The following TBL3 variants were observed in gnomAD, a reference collection of about 807,000 sequenced individuals.
The protein encoded by TBL3 is transducin beta-like protein 3.
TBL3 carries 71 observed loss-of-function variants against 102.7 expected under a neutral mutation model. The observed-to-expected ratio is 0.69, with a 90% CI of 0.57 to 0.84. The LOEUF (loss-of-function observed/expected upper bound fraction) is 0.84, where lower values mean the gene tolerates loss of function less well. TBL3 is among the 40% of genes least tolerant of loss of function. The pLI is 0.00. For missense variants in TBL3, 1,188 were observed against 1,098.5 expected (o/e 1.08, Z -1.15); for synonymous variants, 578 against 477.7 (o/e 1.21, Z -2.74).
rs140740507 is a variant in TBL3 at position 1,977,804 on chromosome 16, A to C, written c.1958+4A>C. On this transcript the variant is annotated splice_donor_region_variant and intron_variant, in intron 18 of 21. Coordinates refer to ENST00000568546, the MANE Select transcript of TBL3 (RefSeq NM_006453.3). ...GGCAAGAGGAGCAGGTGGTCAGGTA[A>C]GGCCAGGGCAGTGGCGCCCCTCCCC... The C allele has an allele frequency of 4.5e-4, 707 of 1,556,448 alleles. 5 individuals carry two copies. The African/African-American group carries it at 8.2e-3, about 18-fold the overall frequency.
rs996102638 is a variant in TBL3 at position 1,979,524 on chromosome 16, G to A, written c.*839G>A. On this transcript the variant is annotated 3_prime_UTR_variant, in exon 22 of 22. Transcript: ENST00000568546. ...TGCGCGGCTGCTCTCGTAGGCGCGG[G>A]AAGCACAGAACTGGGGACCTGGTGG... 6 of 1,611,036 alleles carry A rather than the reference G, an allele frequency of 3.7e-6. 1 individual carries two copies. Among genetic ancestry groups the A allele is most frequent in the African/African-American group, 2.7e-5 (2 of 74,874 alleles).
In TBL3 at chr16:1,972,107, C is replaced by A. The variant is rs553655015; in HGVS notation, c.-58C>A. 66 of 1,463,316 alleles carry A rather than the reference C, an allele frequency of 4.5e-5. No homozygotes were observed. The South Asian group carries it at 6.0e-4, about 13-fold the overall frequency. 90.6% of individuals were successfully genotyped at this position (1,463,316 alleles called of 1,614,324 possible). ...AAGAGTTCGGTGCTAACCTCCCTCA[C>A]GCGGCGGTGGCTGCCGGGACCCTAG... On this transcript the variant is annotated 5_prime_UTR_variant, in exon 1 of 22. Transcript: ENST00000568546.
rs1212876186 is a variant in TBL3 at position 1,974,043 on chromosome 16, G to T, written c.42-13G>T. On this transcript the variant is annotated splice_polypyrimidine_tract_variant and intron_variant, in intron 1 of 21. Coordinates refer to ENST00000568546, the MANE Select transcript of TBL3 (RefSeq NM_006453.3). ...GGTGGGTGGTGCTCATTCGCCTCCC[G>T]CTCTCCTTCCAGCTATGCTGTGGAG... is the stretch of plus-strand genomic sequence containing the variant. 1 of 1,543,104 alleles carries T rather than the reference G, an allele frequency of 6.5e-7. No individual in the cohort carries two copies.
chr16:1,974,812 G>GC lies in TBL3; in HGVS notation c.429_430insC (p.Thr144HisfsTer73). On this transcript the variant is annotated frameshift_variant, in exon 6 of 22. Coordinates refer to ENST00000568546, the MANE Select transcript of TBL3 (RefSeq NM_006453.3). LOFTEE classifies it high-confidence loss of function. The stretch of plus-strand genomic sequence containing the variant: ...TCTGGGACATCGTGCGGCACTACGG[G>GC]ACACACCACTTCCGAGGCTCGCCCG... 1.9e-6 allele frequency: 3 copies of GC among 1,613,362 alleles called. No individual in the cohort carries two copies.
chr16:1,976,554 T>C (rs1302105133), intron 13 of TBL3, among the ~76,000 whole-genome samples: 1 of 152,178 alleles, frequency 6.6e-6, no homozygotes, highest in Non-Finnish European at 1.5e-5. Context: ...AGAATGACCC[T>C]GCACGAGGCC....
Position 1,974,836 on chromosome 16 carries a change from C to G in TBL3, c.453C>G (p.Pro151=), listed in dbSNP as rs774748981. 10 of 1,613,202 alleles carry G rather than the reference C, an allele frequency of 6.2e-6. No homozygotes were observed. Among genetic ancestry groups the G allele is most frequent in the Non-Finnish European group, 8.5e-6 (10 of 1,179,968 alleles). ...HYGTHHFRGS[P]GVVHLVAFHP... The stretch of plus-strand genomic sequence containing the variant: ...GGACACACCACTTCCGAGGCTCGCC[C>G]GGTGTCGTGCAGTGAGTTGGAAGGT... The change falls in exon 6 of 22, where the codon CCC becomes CCG. Residue 151 remains proline (P), a synonymous_variant. Transcript: ENST00000568546.
At chr16:1,973,953 C>T in intron 1 of TBL3, 103 bp from the exon 2 acceptor site, 2 of 1,273,882 alleles carry the variant, frequency 1.6e-6, no homozygotes, top group Non-Finnish European at 2.1e-6. Flanking sequence ...AACTCAAGGG[C>T]AGGGGCCATT....
chr16:1,974,774 G>A lies in TBL3; in HGVS notation c.391G>A (p.Gly131Arg), dbSNP rs779696778. 11 of 1,612,798 alleles carry A rather than the reference G, an allele frequency of 6.8e-6. No individual in the cohort carries two copies. Among genetic ancestry groups the A allele is most frequent in the African/African-American group, 1.3e-5 (1 of 74,936 alleles). ...TTGCTTCCCCGCAGGTGGCTGTGAT[G>A]GGGCCGTGCGCGTCTGGGACATCGT... is the stretch of plus-strand genomic sequence containing the variant. ...STLLATGGCD[G>R]AVRVWDIVRH... The change falls in exon 6 of 22, where the codon GGG becomes AGG. Residue 131 changes from glycine to arginine, a missense_variant. By Grantham distance (125) the Gly-to-Arg change is moderately radical (BLOSUM62 -2). Coordinates refer to ENST00000568546, the MANE Select transcript of TBL3 (RefSeq NM_006453.3).
intron 18 of TBL3, 52 bp downstream of exon 18, chr16:1,977,852 T>G: frequency 6.3e-7 from 1 of 1,578,400 alleles, no homozygotes; most frequent in Non-Finnish European, 8.6e-7. Context: ...CTCTGTGCTG[T>G]AGGGAAAACG....
rs995428337 is a variant in TBL3 at position 1,977,784 on chromosome 16, G to A, written c.1942G>A (p.Glu648Lys). ...GCAGGCAGAGGAGCAGGCCAGGCAA[G>A]AGGAGCAGGTGGTCAGGTAAGGCCA... Reference protein sequence around the residue: ...AEQAEEQARQEEQVVRQQELD... With the variant: ...AEQAEEQARQKEQVVRQQELD... Residue 648 changes from glutamate (E) to lysine (K), a missense_variant, in exon 18 of 22, where the codon GAG becomes AAG. Glu to Lys is a moderately conservative substitution (Grantham distance 56). Transcript: ENST00000568546. The A allele has an allele frequency of 6.4e-7, 1 of 1,556,292 alleles. No individual in the cohort carries two copies. Among genetic ancestry groups the A allele is most frequent in the Admixed American group, 1.9e-5 (1 of 51,382 alleles).
In TBL3 at chr16:1,979,477, C is replaced by T. The variant is rs750150664; in HGVS notation, c.*792C>T. ...GTTTCCAACACGCGCACGCGCGCCC[C>T]CGCGGGCACGGACAGCTCATCTGCG... On this transcript the variant is annotated 3_prime_UTR_variant, in exon 22 of 22. Coordinates refer to ENST00000568546, the MANE Select transcript of TBL3 (RefSeq NM_006453.3). The T allele has an allele frequency of 1.2e-6, 2 of 1,611,962 alleles. No homozygotes were observed. Among genetic ancestry groups the T allele is most frequent in the South Asian group, 2.2e-5 (2 of 90,978 alleles).
In TBL3 at chr16:1,975,537, C is replaced by T. The variant is rs540101902; in HGVS notation, c.814C>T (p.Arg272Cys). 21 of 1,597,540 alleles carry T rather than the reference C, an allele frequency of 1.3e-5. No homozygotes were observed. Among genetic ancestry groups the T allele is most frequent in the South Asian group, 4.4e-5 (4 of 90,750 alleles). Residue 272 changes from arginine to cysteine, a missense_variant, in exon 10 of 22, where the codon CGC (arginine) becomes TGC (cysteine). Coordinates refer to ENST00000568546, the MANE Select transcript of TBL3 (RefSeq NM_006453.3). The stretch of plus-strand genomic sequence containing the variant: ...TGTCCCCACCCACACAGGCACTCTG[C>T]GCGTGTGGGAGGCAGCTTCTGGGCA... ...FLTAGDQGTL[R>C]VWEAASGQCV...
Position 1,977,532 on chromosome 16 carries a change from G to T in TBL3, c.1761G>T (p.Val587=). The change falls in exon 17 of 22, where the codon GTG becomes GTT. Residue 587 remains valine, a synonymous_variant. Coordinates refer to ENST00000568546, the MANE Select transcript of TBL3 (RefSeq NM_006453.3). ...AACCCAGCGGTTCGGATGGCCTCGT[G>T]AAGCTCTGGACCATCAAGAACAACG... The part of the protein sequence containing the change: ...QLLSSGSDGL[V]KLWTIKNNEC... The T allele has an allele frequency of 6.2e-7, 1 of 1,604,682 alleles. No homozygotes were observed. The highest frequency in any genetic ancestry group is 8.5e-7 in the Non-Finnish European group (1 of 1,175,644).
rs747967934 is a variant in TBL3 at position 1,978,194 on chromosome 16, T to G, written c.2108T>G (p.Met703Arg). The G allele has an allele frequency of 1.9e-6, 3 of 1,612,764 alleles. No individual in the cohort carries two copies. Among genetic ancestry groups the G allele is most frequent in the Non-Finnish European group, 2.5e-6 (3 of 1,179,908 alleles). The change falls in exon 20 of 22, where the codon ATG (methionine) becomes AGG (arginine). Residue 703 changes from methionine to arginine, a missense_variant. Physicochemically the swap from Met to Arg is moderately conservative, Grantham distance 91. Coordinates refer to ENST00000568546, the MANE Select transcript of TBL3 (RefSeq NM_006453.3). ...PEACEKLEAT[M>R]LRLRRDQKEA... ...GCCTGCGAGAAGCTGGAAGCCACCA[T>G]GCTCCGACTGCGGCGCGACCAGAAA...
chr16:1,979,768 AGGGGT>A lies in TBL3; in HGVS notation c.*1089_*1093del. The stretch of plus-strand genomic sequence containing the variant: ...ACGGTCAAGCCGCAGTGGTGGCGTG[AGGGGT>A]GGGGTTAGGCGCATACCGCTGCTCC... On this transcript the variant is annotated 3_prime_UTR_variant, in exon 22 of 22. Transcript: ENST00000568546. 6.8e-7 allele frequency: 1 copy of A among 1,479,190 alleles called. No homozygotes were observed. Among genetic ancestry groups the A allele is most frequent in the South Asian group, 1.3e-5 (1 of 79,864 alleles). 91.6% of individuals were successfully genotyped at this position (1,479,190 alleles called of 1,614,324 possible).
intron 8 of TBL3, 32 bp from the exon 9 acceptor site, chr16:1,975,313 T>C (rs1249064897): frequency 1.9e-6 from 3 of 1,613,752 alleles, no homozygotes; most frequent in South Asian, 2.2e-5. Context: ...GGAGGGGGCA[T>C]GATAGCAGCC....
At position 1,980,658 on chromosome 16, in the gene TBL3, A is replaced by T. The variant is rs998887127; in HGVS notation, c.*1973A>T. On this transcript the variant is annotated 3_prime_UTR_variant, in exon 22 of 22. Coordinates refer to ENST00000568546, the MANE Select transcript of TBL3 (RefSeq NM_006453.3). Reference sequence around the variant, plus strand: ...TCCCGTACCCAGGCTGGCCTGACCGAGAAGCTTTGGGAGAACGCGGTCAGA... The same window carrying T: ...TCCCGTACCCAGGCTGGCCTGACCGTGAAGCTTTGGGAGAACGCGGTCAGA... 1.9e-6 allele frequency: 3 copies of T among 1,605,864 alleles called. No homozygotes were observed. The highest frequency in any genetic ancestry group is 2.6e-6 in the Non-Finnish European group (3 of 1,176,454).
chr16:1,973,690 G>A (rs532442623), intron 1 of TBL3, among the ~76,000 whole-genome samples: 4 of 152,250 alleles, frequency 2.6e-5, no homozygotes, highest in Admixed American at 6.5e-5. Flanking sequence ...GGGAGGATGT[G>A]CTCTGGGCTG....
At position 1,974,044 on chromosome 16, in the gene TBL3, C is replaced by T. The variant is rs375484489; in HGVS notation, c.42-12C>T. ...GTGGGTGGTGCTCATTCGCCTCCCGCTCTCCTTCCAGCTATGCTGTGGAGC... is the reference window on the plus strand; with the variant it reads ...GTGGGTGGTGCTCATTCGCCTCCCGTTCTCCTTCCAGCTATGCTGTGGAGC... On this transcript the variant is annotated splice_polypyrimidine_tract_variant and intron_variant, in intron 1 of 21. Coordinates refer to ENST00000568546, the MANE Select transcript of TBL3 (RefSeq NM_006453.3). The T allele has an allele frequency of 9.7e-6, 15 of 1,546,182 alleles. No individual in the cohort carries two copies. The highest frequency in any genetic ancestry group is 1.3e-5 in the Non-Finnish European group (15 of 1,139,900).
Sources: gnomAD v4.1 joint callset for allele counts (sites outside exome capture counted in the v4.1 genomes callset) on GRCh38, gnomAD v4.1.1 for gene constraint, MANE v1.5 for transcripts, NCBI Gene and HGNC (gene_info 2026-07-23, HGNC 2026-07-21) for gene names.